MYCBP2: variants seen among roughly 807,000 people sequenced by gnomAD.
The protein encoded by MYCBP2 is E3 ubiquitin-protein ligase MYCBP2.
Under a neutral mutation model 525.3 loss-of-function variants are expected in MYCBP2, and 120 were observed. The ratio of observed to expected loss-of-function variants is 0.23; its 90% CI spans 0.20 to 0.27. The LOEUF is 0.27. Ranked by LOEUF, MYCBP2 falls within the 10% of genes least tolerant of loss-of-function variation. The probability of loss-of-function intolerance (pLI) is 1.00; values close to 1 mark genes in which losing one functional copy is unlikely to be tolerated. For synonymous variants in MYCBP2, 1,894 were observed against 1,955.8 expected, an observed-to-expected ratio of 0.97 and a Z score of 0.83; for missense variants, 4,149 against 5,657.1, an observed-to-expected ratio of 0.73 and a Z score of 8.55.
At chr13:77,227,510 AC>A (rs2066461147) in intron 18 of MYCBP2, among the ~76,000 whole-genome samples, 2 of 151,662 alleles carry the variant, frequency 1.3e-5, no homozygotes, top group South Asian at 2.1e-4. Flanking sequence ...ACACACACAC[AC>A]ACACACAAAT....
intron 59 of MYCBP2, 39 bp from the exon 60 acceptor site, chr13:77,090,302 A>T (rs761427703): frequency 2.0e-6 from 3 of 1,528,756 alleles, no homozygotes; most frequent in South Asian, 2.6e-5. Flanking sequence ...AACTCAGAAG[A>T]GCTGAATGAA....
chr13:77,113,298 T>C (rs9544420), intron 55 of MYCBP2, among the ~76,000 whole-genome samples: 69,316 of 152,040 alleles, frequency 0.46, 19,794 homozygotes, highest in Non-Finnish European at 0.64. Context: ...TATGTTTCCA[T>C]TGCATCCTGT....
chr13:77,316,149 T>C (rs976768492), intron 1 of MYCBP2, among the ~76,000 whole-genome samples: 1 of 152,088 alleles, frequency 6.6e-6, no homozygotes, highest in African/African-American at 2.4e-5. Context: ...AAAGACAATA[T>C]GATTATTTAC....
chr13:77,304,646 G>A (rs764295515), intron 1 of MYCBP2, among the ~76,000 whole-genome samples: 21 of 151,994 alleles, frequency 1.4e-4, no homozygotes, highest in African/African-American at 4.6e-4. Context: ...GATAAATGTC[G>A]GAGGTGATAA....
rs2051796641 is a variant in MYCBP2 at position 77,127,039 on chromosome 13, G to C, written c.7660-497C>G. On this transcript the variant is annotated intron_variant, in intron 52 of 82. Coordinates refer to ENST00000544440, the MANE Select transcript of MYCBP2 (RefSeq NM_015057.5). ...GAATCTGAAAACTGATCCATAAGCA[G>C]AGATGATGAAAAATATGCATTAAAA... Among the ~76,000 whole-genome samples the C allele has an allele frequency of 3.3e-5, 5 of 152,070 alleles. No homozygotes were observed. In the South Asian group the frequency reaches 8.3e-4, roughly 25 times the overall value.
At chr13:77,172,766 A>G (rs1455027525) in intron 37 of MYCBP2, among the ~76,000 whole-genome samples, 2 of 152,180 alleles carry the variant, frequency 1.3e-5, no homozygotes. Flanking sequence ...GCCACATGAA[A>G]CCTCAGATGT....
chr13:77,193,283 T>C (rs1289550176), intron 27 of MYCBP2, among the ~76,000 whole-genome samples: 1 of 152,180 alleles, frequency 6.6e-6, no homozygotes, highest in Non-Finnish European at 1.5e-5. Flanking sequence ...ACTAAAAAAA[T>C]CTTGCGATAT....
In MYCBP2 at chr13:77,098,299, T is replaced by C. The variant is rs886734748; in HGVS notation, c.8855A>G (p.Asp2952Gly). ...KTNSLTDSTC[D>G]DSSEFKSVDE... ...CACACTCTTAAATTCACTGCTGTCATCGCAGGTGCTGTCTGTTAGACTATT... is the reference window on the plus strand; with the variant it reads ...CACACTCTTAAATTCACTGCTGTCACCGCAGGTGCTGTCTGTTAGACTATT... Residue 2952 changes from aspartate to glycine, a missense_variant, in exon 56 of 83, where the codon GAT becomes GGT. Physicochemically the swap from Asp to Gly is moderately conservative, Grantham distance 94 (BLOSUM62 -1). Around this residue, in one of 21 missense-constraint regions of MYCBP2, gnomAD observed 653 missense variants for 744.7 expected, o/e 0.88. Transcript: ENST00000544440. 2 of 1,611,846 alleles carry C rather than the reference T, an allele frequency of 1.2e-6. No homozygotes were observed. Among genetic ancestry groups the C allele is most frequent in the Non-Finnish European group, 1.7e-6 (2 of 1,179,776 alleles).
At chr13:77,156,847 G>A (rs369279158) in intron 45 of MYCBP2, among the ~76,000 whole-genome samples, 285 of 152,282 alleles carry the variant, frequency 1.9e-3, no homozygotes, top group African/African-American at 6.5e-3. Context: ...ACATAAAAAC[G>A]TCTGCATAGT....
chr13:77,250,743 C>T (rs1006043426), intron 15 of MYCBP2, among the ~76,000 whole-genome samples: 5 of 152,168 alleles, frequency 3.3e-5, no homozygotes, highest in African/African-American at 9.6e-5. Context: ...TAAAACAAAA[C>T]TATATATCTA....
At chr13:77,281,044 T>C (rs1482688007) in intron 3 of MYCBP2, among the ~76,000 whole-genome samples, 1 of 152,202 alleles carries the variant, frequency 6.6e-6, no homozygotes, top group African/African-American at 2.4e-5. Context: ...ATAAGTCTTT[T>C]TCTGCTGTTT....
Position 77,090,185 on chromosome 13 carries a change from G to A in MYCBP2, c.10446C>T (p.Ser3482=), listed in dbSNP as rs772343408. The change falls in exon 60 of 83, where the codon TCC becomes TCT. Residue 3482 remains serine (S), a synonymous_variant. Coordinates refer to ENST00000544440, the MANE Select transcript of MYCBP2 (RefSeq NM_015057.5). ...AAATGGAGTGTTGTTTATCATATTC[G>A]GAAGCAACAACTGAGTATGATCTTT... ...VFQRSYSVVA[S]EYDKQHSILP... The A allele has an allele frequency of 6.8e-6, 11 of 1,612,388 alleles. No individual in the cohort carries two copies. Among genetic ancestry groups the A allele is most frequent in the African/African-American group, 5.3e-5 (4 of 74,778 alleles).
chr13:77,185,643 A>G (rs529032687), intron 31 of MYCBP2, among the ~76,000 whole-genome samples: 1 of 152,300 alleles, frequency 6.6e-6, no homozygotes, highest in Admixed American at 6.5e-5. Flanking sequence ...ACTTTATTAG[A>G]TTATTTAACT....
chr13:77,194,520 T>A (rs1364006335), intron 26 of MYCBP2, among the ~76,000 whole-genome samples: 6 of 152,180 alleles, frequency 3.9e-5, no homozygotes. Context: ...ACAAGTTTTG[T>A]ACCTAATATG....
chr13:77,159,632 G>A (rs1341093326), intron 44 of MYCBP2, among the ~76,000 whole-genome samples: 3 of 152,118 alleles, frequency 2.0e-5, no homozygotes, highest in Admixed American at 2.0e-4. Flanking sequence ...ATATCTGGTT[G>A]TTTGATAAGT....
At chr13:77,173,781 T>C (rs547509472) in intron 37 of MYCBP2, among the ~76,000 whole-genome samples, 44 of 152,334 alleles carry the variant, frequency 2.9e-4, no homozygotes, top group African/African-American at 1.1e-3. Flanking sequence ...CCAAGGGTTG[T>C]TATCATTCTT....
Position 77,139,329 on chromosome 13 carries a change from T to C in MYCBP2, c.7526A>G (p.Asn2509Ser). Residue 2509 changes from asparagine (N) to serine (S), a missense_variant, in exon 52 of 83, where the codon AAT (asparagine) becomes AGT (serine). Transcript: ENST00000544440. ...GTITFIDEIHNDDGVWLRLND... is the reference protein window; with the variant it reads ...GTITFIDEIHSDDGVWLRLND... Reference sequence around the variant, plus strand: ...CAGCCTCAGCCACACACCATCATCATTATGGATCTATAGAAAAAAGCAACA... The same window carrying C: ...CAGCCTCAGCCACACACCATCATCACTATGGATCTATAGAAAAAAGCAACA... 6.2e-7 allele frequency: 1 copy of C among 1,612,262 alleles called. No individual in the cohort carries two copies. The highest frequency in any genetic ancestry group is 8.5e-7 in the Non-Finnish European group (1 of 1,178,954).
At chr13:77,287,482 C>T (rs576686113) in intron 3 of MYCBP2, among the ~76,000 whole-genome samples, 14 of 152,242 alleles carry the variant, frequency 9.2e-5, no homozygotes, top group African/African-American at 3.1e-4. Context: ...CCACTGCGCC[C>T]GGCCTACAAT....
intron 65 of MYCBP2, among the ~76,000 whole-genome samples, chr13:77,079,334 A>G (rs375382406): frequency 5.4e-4 from 82 of 152,322 alleles, no homozygotes; most frequent in African/African-American, 1.9e-3. Context: ...AGTAGGATAT[A>G]TGAGAGGAGG....
Sources: gnomAD v4.1 joint callset for allele counts (sites outside exome capture counted in the v4.1 genomes callset) on GRCh38, gnomAD v4.1.1 for gene constraint, gnomAD v4.1.1 regional missense constraint, MANE v1.5 for transcripts, NCBI Gene and HGNC (gene_info 2026-07-23, HGNC 2026-07-21) for gene names.